TRHDE: variants seen among roughly 807,000 people sequenced by gnomAD.
TRHDE encodes the protein thyrotropin releasing hormone degrading enzyme.
TRHDE carries 72 observed loss-of-function variants against 125.7 expected under a neutral mutation model. The ratio of observed to expected loss-of-function variants is 0.57; its 90% CI spans 0.47 to 0.70. The LOEUF (loss-of-function observed/expected upper bound fraction) is 0.70, where lower values mean the gene tolerates loss of function less well. TRHDE is among the 30% of genes least tolerant of loss of function. TRHDE has a pLI of 0.00. For synonymous variants in TRHDE, 509 were observed against 509.1 expected (o/e 1.00, Z 0.00); for missense variants, 1,110 against 1,327.1 (o/e 0.84, Z 2.54).
chr12:72,653,471 T>C (rs905975421), intron 17 of TRHDE, among the ~76,000 whole-genome samples: 16 of 152,138 alleles, frequency 1.1e-4, no homozygotes, highest in Non-Finnish European at 1.8e-4. Context: ...CCCCTGTATC[T>C]TGAATATGTT....
rs1423467739 is a variant in TRHDE at position 72,663,290 on chromosome 12, C to T, written c.*95C>T. On this transcript the variant is annotated 3_prime_UTR_variant, in exon 19 of 19. Transcript: ENST00000261180. ...GAAAATGTACTACCTAGAAAATGGC[C>T]AGATTTTCAGTGTTAACGTGTGGGA... 2 of 1,028,038 alleles carry T rather than the reference C, an allele frequency of 1.9e-6. No homozygotes were observed. Among genetic ancestry groups the T allele is most frequent in the African/African-American group, 3.3e-5 (2 of 59,984 alleles). 63.7% of individuals were successfully genotyped at this position (1,028,038 alleles called of 1,614,324 possible).
At chr12:72,512,132 T>C (rs955805868) in intron 6 of TRHDE, among the ~76,000 whole-genome samples, 6 of 151,948 alleles carry the variant, frequency 3.9e-5, no homozygotes, top group Non-Finnish European at 7.4e-5. Flanking sequence ...AGAGCCAAAG[T>C]GGTGATCTCA....
chr12:72,193,903 G>A (rs1309889965), intron 2 of TRHDE, among the ~76,000 whole-genome samples: 1 of 151,994 alleles, frequency 6.6e-6, no homozygotes, highest in Non-Finnish European at 1.5e-5. Flanking sequence ...TAGCTTACAT[G>A]TAACATCTCT....
Position 72,537,490 on chromosome 12 carries a change from T to C in TRHDE, c.1723-4801T>C, listed in dbSNP as rs553749912. The stretch of plus-strand genomic sequence containing the variant: ...CACAAGAAGGTGCTTGCTTTCCCTT[T>C]GCCTTCCACCATGATGGTAAGTTTC... On this transcript the variant is annotated intron_variant, in intron 6 of 18. Coordinates refer to ENST00000261180, the MANE Select transcript of TRHDE (RefSeq NM_013381.3). Among the ~76,000 whole-genome samples the C allele has an allele frequency of 2.2e-3, 336 of 152,172 alleles. 2 individuals carry two copies. Among genetic ancestry groups the C allele is most frequent in the African/African-American group, 7.6e-3 (316 of 41,550 alleles).
intron 1 of TRHDE, among the ~76,000 whole-genome samples, chr12:72,099,409 C>T (rs1290642724): frequency 6.6e-6 from 1 of 152,126 alleles, no homozygotes; most frequent in African/African-American, 2.4e-5. Flanking sequence ...GTGTCTCACA[C>T]TGAGAATCTT....
At chr12:72,558,864 T>A (rs930392253) in intron 7 of TRHDE, among the ~76,000 whole-genome samples, 5 of 151,968 alleles carry the variant, frequency 3.3e-5, no homozygotes, top group Admixed American at 2.0e-4. Flanking sequence ...CAGTTTTTAA[T>A]AGGACTCAGT....
intron 2 of TRHDE, among the ~76,000 whole-genome samples, chr12:72,209,814 A>G (rs1877738364): frequency 6.6e-6 from 1 of 152,226 alleles, no homozygotes; most frequent in Admixed American, 6.5e-5. Context: ...CAAGAACAGT[A>G]CATATTTGCT....
chr12:72,384,009 C>T (rs535662915), intron 3 of TRHDE, among the ~76,000 whole-genome samples: 2 of 152,116 alleles, frequency 1.3e-5, no homozygotes, highest in South Asian at 4.1e-4. Flanking sequence ...AATTTGAAAA[C>T]TTAAAAAAGT....
At chr12:72,349,328 G>A (rs1592561151) in intron 2 of TRHDE, among the ~76,000 whole-genome samples, 1 of 151,954 alleles carries the variant, frequency 6.6e-6, no homozygotes, top group East Asian at 1.9e-4. Context: ...TAGACAAATA[G>A]ATGTTCTCTA....
At chr12:72,590,105 T>A (rs538891533) in intron 12 of TRHDE, among the ~76,000 whole-genome samples, 1 of 152,114 alleles carries the variant, frequency 6.6e-6, no homozygotes, top group African/African-American at 2.4e-5. Context: ...ATTTTCTAAT[T>A]TCCTATGTGA....
At chr12:72,592,759 G>A (rs1871743469) in intron 12 of TRHDE, among the ~76,000 whole-genome samples, 3 of 150,228 alleles carry the variant, frequency 2.0e-5, no homozygotes, top group Non-Finnish European at 4.4e-5. Context: ...TACTCAGGCT[G>A]AAGTGCAGTG....
chr12:72,512,541 T>C (rs993250457), intron 6 of TRHDE, among the ~76,000 whole-genome samples: 1 of 138,084 alleles, frequency 7.2e-6, no homozygotes, highest in East Asian at 2.0e-4. Context: ...TGATTATATA[T>C]ATTCATATAT....
intron 5 of TRHDE, among the ~76,000 whole-genome samples, chr12:72,498,022 T>TG (rs374868393): frequency 2.0e-5 from 3 of 152,170 alleles, no homozygotes; most frequent in African/African-American, 7.2e-5. Context: ...AGAAGCCCTC[T>TG]GGGACTCAAA....
intron 2 of TRHDE, among the ~76,000 whole-genome samples, chr12:72,184,849 A>C (rs949195799): frequency 1.3e-5 from 2 of 152,126 alleles, no homozygotes; most frequent in Non-Finnish European, 2.9e-5. Flanking sequence ...TGATTTCCTC[A>C]GTAATTTTGA....
chr12:72,343,374 A>C (rs950042154), intron 2 of TRHDE, among the ~76,000 whole-genome samples: 3 of 152,124 alleles, frequency 2.0e-5, no homozygotes, highest in Non-Finnish European at 4.4e-5. Context: ...CATCCTGTGA[A>C]TGCTATATTT....
intron 6 of TRHDE, among the ~76,000 whole-genome samples, chr12:72,503,547 C>T (rs572225995): frequency 6.6e-6 from 1 of 152,298 alleles, no homozygotes; most frequent in South Asian, 2.1e-4. Flanking sequence ...TAAATGTTGA[C>T]ACCTACCTGA....
At chr12:72,552,260 A>G (rs1404948771) in intron 7 of TRHDE, among the ~76,000 whole-genome samples, 3 of 152,156 alleles carry the variant, frequency 2.0e-5, no homozygotes, top group Non-Finnish European at 4.4e-5. Context: ...TGAGGAGGAT[A>G]TTTTTATATT....
intron 2 of TRHDE, among the ~76,000 whole-genome samples, chr12:72,235,214 C>A (rs1878317445): frequency 6.6e-6 from 1 of 152,102 alleles, no homozygotes; most frequent in Non-Finnish European, 1.5e-5. Context: ...TGATAGGGGT[C>A]TTCAGGGGAC....
At chr12:72,362,155 T>G (rs1477497450) in intron 2 of TRHDE, among the ~76,000 whole-genome samples, 2 of 135,442 alleles carry the variant, frequency 1.5e-5, no homozygotes, top group Non-Finnish European at 3.1e-5. Context: ...TCCACAATGG[T>G]TGAACTAGTT....
Sources: allele counts gnomAD v4.1 joint callset (sites outside exome capture counted in the v4.1 genomes callset), GRCh38; gene constraint gnomAD v4.1.1; transcripts MANE v1.5; gene names NCBI Gene and HGNC (gene_info 2026-07-23, HGNC 2026-07-21).